RPS6KC1: variants seen among roughly 807,000 people sequenced by gnomAD.
The protein encoded by RPS6KC1 is inactive ribosomal protein S6 kinase delta-1.
A neutral mutation model predicts 103.8 loss-of-function variants in RPS6KC1; 54 were observed. The ratio of observed to expected loss-of-function variants is 0.52; its 90% CI spans 0.42 to 0.65. The LOEUF (loss-of-function observed/expected upper bound fraction) is 0.65. Among genes scored for constraint, RPS6KC1 ranks in the 30% least tolerant of loss-of-function variants. RPS6KC1 has a pLI of 0.00. For missense variants in RPS6KC1, 1,151 were observed against 1,253.8 expected, an observed-to-expected ratio of 0.92 and a Z score of 1.24; for synonymous variants, 439 against 438.7, an observed-to-expected ratio of 1.00 and a Z score of -0.01.
chr1:213,363,184 G>A, the RPS6KC1 span, among the ~76,000 whole-genome samples: 2 of 152,158 alleles, frequency 1.3e-5, no homozygotes, highest in Non-Finnish European at 2.9e-5. Flanking sequence ...CGGTGGGTCA[G>A]TTAATCTCTC....
chr1:213,199,872 T>C (rs544887848), intron 8 of RPS6KC1, among the ~76,000 whole-genome samples: 1 of 152,140 alleles, frequency 6.6e-6, no homozygotes, highest in African/African-American at 2.4e-5. Flanking sequence ...ATCCAGAATG[T>C]AATCCCATTC....
the RPS6KC1 span, among the ~76,000 whole-genome samples, chr1:213,434,124 C>G: frequency 6.7e-6 from 1 of 148,534 alleles, no homozygotes; most frequent in East Asian, 2.0e-4. Flanking sequence ...AAAAAAAGCA[C>G]TTACTCATTT....
chr1:213,693,850 T>C, the RPS6KC1 span, among the ~76,000 whole-genome samples: 3 of 152,358 alleles, frequency 2.0e-5, no homozygotes, highest in African/African-American at 7.2e-5. Context: ...GTTAGCTTTC[T>C]AATCTATTTG....
the RPS6KC1 span, among the ~76,000 whole-genome samples, chr1:213,523,267 G>A: frequency 6.6e-6 from 1 of 152,212 alleles, no homozygotes; most frequent in African/African-American, 2.4e-5. Context: ...TTGTGGTGCT[G>A]TAAAGCAATT....
At chr1:213,676,572 C>T in the RPS6KC1 span, among the ~76,000 whole-genome samples, 2 of 152,162 alleles carry the variant, frequency 1.3e-5, no homozygotes, top group Admixed American at 1.3e-4. Flanking sequence ...TATATACTCC[C>T]CGGCCCCATT....
At chr1:213,774,489 G>A in the RPS6KC1 span, among the ~76,000 whole-genome samples, 2 of 152,258 alleles carry the variant, frequency 1.3e-5, no homozygotes, top group South Asian at 2.1e-4. Flanking sequence ...GAACAGACAG[G>A]GAAGCAGAAA....
At chr1:213,532,111 A>G in the RPS6KC1 span, among the ~76,000 whole-genome samples, 1 of 152,176 alleles carries the variant, frequency 6.6e-6, no homozygotes, top group African/African-American at 2.4e-5. Context: ...AGAGATGGCA[A>G]TTGCCCCCTT....
At chr1:213,852,505 G>T in the RPS6KC1 span, among the ~76,000 whole-genome samples, 2 of 151,536 alleles carry the variant, frequency 1.3e-5, no homozygotes, top group Non-Finnish European at 2.9e-5. Context: ...TTTTTTTGCA[G>T]TCTGGCATAG....
the RPS6KC1 span, among the ~76,000 whole-genome samples, chr1:213,414,468 G>A: frequency 7.2e-5 from 11 of 152,200 alleles, no homozygotes; most frequent in African/African-American, 2.7e-4. Flanking sequence ...AGCAGGAGGT[G>A]ATGTGAAGAA....
At chr1:213,766,803 G>A in the RPS6KC1 span, among the ~76,000 whole-genome samples, 11 of 151,640 alleles carry the variant, frequency 7.3e-5, no homozygotes, top group African/African-American at 1.7e-4. Context: ...TCATTATGCC[G>A]TTGGACCTCC....
the RPS6KC1 span, among the ~76,000 whole-genome samples, chr1:213,747,980 A>G: frequency 6.6e-6 from 1 of 152,244 alleles, no homozygotes; most frequent in African/African-American, 2.4e-5. Context: ...TTCCTAGGTG[A>G]TGAAATGCTA....
intron 1 of RPS6KC1, among the ~76,000 whole-genome samples, chr1:213,062,626 G>T (rs1475760320): frequency 2.0e-5 from 3 of 151,404 alleles, no homozygotes; most frequent in African/African-American, 7.3e-5. Flanking sequence ...GTGCGATCTT[G>T]GCTCTCTGCA....
At chr1:213,075,917 C>T (rs141736975) in intron 2 of RPS6KC1, among the ~76,000 whole-genome samples, 1 of 152,158 alleles carries the variant, frequency 6.6e-6, no homozygotes, top group Admixed American at 6.5e-5. Context: ...TTTTGTGAAG[C>T]CTTCTCAGAC....
intron 6 of RPS6KC1, among the ~76,000 whole-genome samples, chr1:213,165,763 G>C (rs1362608212): frequency 6.6e-6 from 1 of 152,054 alleles, no homozygotes; most frequent in Non-Finnish European, 1.5e-5. Flanking sequence ...TGCTGTGTGG[G>C]CCAGGCTGGT....
chr1:213,754,109 C>A, the RPS6KC1 span, among the ~76,000 whole-genome samples: 1 of 152,290 alleles, frequency 6.6e-6, no homozygotes, highest in East Asian at 1.9e-4. Context: ...TTTGTCAGCT[C>A]AGGCTGCGGA....
At chr1:213,678,058 T>A in the RPS6KC1 span, among the ~76,000 whole-genome samples, 3 of 152,148 alleles carry the variant, frequency 2.0e-5, no homozygotes, top group African/African-American at 7.2e-5. Flanking sequence ...ACGAGGAATG[T>A]TTAATTCCCT....
the RPS6KC1 span, among the ~76,000 whole-genome samples, chr1:213,852,640 AT>A: frequency 1.3e-3 from 191 of 152,272 alleles, no homozygotes; most frequent in Non-Finnish European, 2.1e-3. Context: ...ACATTTCTTT[AT>A]TGAAAAACCA....
the RPS6KC1 span, among the ~76,000 whole-genome samples, chr1:213,723,897 T>G: frequency 2.2e-5 from 3 of 135,344 alleles, no homozygotes; most frequent in African/African-American, 8.6e-5. Flanking sequence ...TGTCAAATAA[T>G]AATAAAGCCT....
In RPS6KC1 at chr1:213,167,963, A is replaced by G. The variant is rs1310088301; in HGVS notation, c.941A>G (p.Asp314Gly). Reference protein sequence around the residue: ...SSLYGKPQLDDVSQPPGSLSS... With the variant: ...SSLYGKPQLDGVSQPPGSLSS... The stretch of plus-strand genomic sequence containing the variant: ...CTTTATGGGAAACCTCAGCTTGATG[A>G]TGTATCTCAGGTATGTCTCATATTT... Residue 314 changes from aspartate (D) to glycine (G), a missense_variant, in exon 7 of 15, where the codon GAT (aspartate) becomes GGT (glycine). By Grantham distance (94) the Asp-to-Gly change is moderately conservative. Coordinates refer to ENST00000366960, the MANE Select transcript of RPS6KC1 (RefSeq NM_012424.6). 1.9e-6 allele frequency: 3 copies of G among 1,605,836 alleles called. No homozygotes were observed. Among genetic ancestry groups the G allele is most frequent in the Non-Finnish European group, 2.6e-6 (3 of 1,173,008 alleles).
Sources: gnomAD v4.1 joint callset for allele counts (sites outside exome capture counted in the v4.1 genomes callset) on GRCh38, gnomAD v4.1.1 for gene constraint, MANE v1.5 for transcripts, NCBI Gene and HGNC (gene_info 2026-07-23, HGNC 2026-07-21) for gene names.